Variants in MTUS2 observed in about 807,000 individuals in gnomAD.
MTUS2 encodes microtubule associated scaffold protein 2, also known as microtubule-associated tumor suppressor candidate 2.
MTUS2 carries 40 observed loss-of-function variants against 114.1 expected under a neutral mutation model. The observed-to-expected ratio is 0.35, with a 90% CI of 0.27 to 0.46. MTUS2 has a LOEUF of 0.46. MTUS2 is among the 20% of genes least tolerant of loss of function. MTUS2 has a pLI of 1.00. For missense variants in MTUS2, 1,679 were observed against 1,705.4 expected, an observed-to-expected ratio of 0.98 and a Z score of 0.27; for synonymous variants, 688 against 672.0, an observed-to-expected ratio of 1.02 and a Z score of -0.37.
intron 5 of MTUS2, among the ~76,000 whole-genome samples, chr13:29,218,932 G>A (rs1248880450): frequency 6.7e-6 from 1 of 149,140 alleles, no homozygotes; most frequent in Admixed American, 6.7e-5. Context: ...TTAACTTAAA[G>A]TTTCCAATTG....
In MTUS2 at chr13:28,834,951, T is replaced by A. The variant is rs540880421; in HGVS notation, c.-315-4827T>A. ...TGGAAAGGCAGTCTACATTAGTCAT[T>A]AGGGAAATGCAAATTAAAACCACAA... is the stretch of plus-strand genomic sequence containing the variant. On this transcript the variant is annotated intron_variant, in intron 1 of 15. Coordinates refer to ENST00000612955, the MANE Select transcript of MTUS2 (RefSeq NM_001033602.4). Among the ~76,000 whole-genome samples, 3 of 152,226 alleles carry A rather than the reference T, an allele frequency of 2.0e-5. No homozygotes were observed. In the South Asian group the frequency reaches 6.2e-4, roughly 32 times the overall value.
chr13:28,831,651 CAG>C (rs1874688798), intron 1 of MTUS2, among the ~76,000 whole-genome samples: 2 of 152,158 alleles, frequency 1.3e-5, no homozygotes, highest in African/African-American at 4.8e-5. Flanking sequence ...GAAGCAGAAA[CAG>C]AATTGAAAGA....
intron 4 of MTUS2, among the ~76,000 whole-genome samples, chr13:29,079,702 CA>C (rs1387626871): frequency 6.6e-6 from 1 of 152,070 alleles, no homozygotes; most frequent in East Asian, 1.9e-4. Flanking sequence ...TTTAGTTCAC[CA>C]CAAATATTGG....
intron 5 of MTUS2, among the ~76,000 whole-genome samples, chr13:29,241,771 A>G (rs1190339355): frequency 6.6e-6 from 1 of 152,206 alleles, no homozygotes. Context: ...AAGTGAATGA[A>G]AAACATTATG....
At position 29,025,465 on chromosome 13, in the gene MTUS2, C is replaced by T; in HGVS notation, c.767C>T (p.Pro256Leu). ...PSTSESKQST[P>L]SETQTVGAHV... ...ACCTCAGAAAGCAAGCAGAGCACTC[C>T]CTCAGAGACCCAAACAGTGGGGGCA... Residue 256 changes from proline (P) to leucine (L), a missense_variant, in exon 3 of 16, where the codon CCC becomes CTC. Physicochemically the swap from Pro to Leu is moderately conservative, Grantham distance 98. This residue lies in a region of MTUS2 where 843 missense variants were observed against 770.8 expected (regional missense o/e 1.09). Coordinates refer to ENST00000612955, the MANE Select transcript of MTUS2 (RefSeq NM_001033602.4). 2 of 1,613,300 alleles carry T rather than the reference C, an allele frequency of 1.2e-6. No individual in the cohort carries two copies. The highest frequency in any genetic ancestry group is 1.7e-6 in the Non-Finnish European group (2 of 1,179,610).
At chr13:29,222,577 G>C (rs34642107) in intron 5 of MTUS2, among the ~76,000 whole-genome samples, 22,108 of 152,268 alleles carry the variant, frequency 0.15, 1,831 homozygotes, top group East Asian at 0.31. Context: ...CATGATGCCA[G>C]CTGCAGTGGG....
chr13:28,948,813 A>G (rs570877557), intron 2 of MTUS2, among the ~76,000 whole-genome samples: 4 of 152,242 alleles, frequency 2.6e-5, no homozygotes, highest in African/African-American at 9.6e-5. Context: ...GGCTGTATAC[A>G]CTATAACAGG....
intron 11 of MTUS2, 74 bp downstream of exon 11, chr13:29,488,079 G>A (rs1881764870): frequency 7.9e-6 from 9 of 1,140,724 alleles, no homozygotes; most frequent in African/African-American, 1.5e-5. Context: ...CAGATGTGTG[G>A]AGCCCCCCTT....
chr13:28,859,978 G>A (rs1876869096), intron 2 of MTUS2, among the ~76,000 whole-genome samples: 1 of 152,142 alleles, frequency 6.6e-6, no homozygotes, highest in African/African-American at 2.4e-5. Context: ...TTGTGCTTGG[G>A]TTGAGGCAGT....
chr13:28,993,765 G>A (rs1404965017), intron 2 of MTUS2, among the ~76,000 whole-genome samples: 1 of 151,892 alleles, frequency 6.6e-6, no homozygotes, highest in East Asian at 1.9e-4. Flanking sequence ...ATTGGTTTGT[G>A]TGTCTATTTT....
At chr13:29,443,200 A>G (rs938613343) in intron 9 of MTUS2, among the ~76,000 whole-genome samples, 16 of 152,194 alleles carry the variant, frequency 1.1e-4, no homozygotes, top group African/African-American at 2.9e-4. Context: ...GGTGACTCTC[A>G]TAACTATCCG....
chr13:28,822,227 C>G (rs557695301), intron 1 of MTUS2, among the ~76,000 whole-genome samples: 1 of 152,212 alleles, frequency 6.6e-6, no homozygotes, highest in East Asian at 1.9e-4. Flanking sequence ...AGGAGCAGAT[C>G]TTATGGATGG....
chr13:29,247,234 T>C (rs1397252726), intron 5 of MTUS2, among the ~76,000 whole-genome samples: 3 of 152,162 alleles, frequency 2.0e-5, no homozygotes, highest in Non-Finnish European at 2.9e-5. Flanking sequence ...GAAACGGGAT[T>C]CTCATCTCTT....
At chr13:29,069,640 A>G (rs1485417694) in intron 4 of MTUS2, among the ~76,000 whole-genome samples, 2 of 152,186 alleles carry the variant, frequency 1.3e-5, no homozygotes, top group Non-Finnish European at 2.9e-5. Flanking sequence ...AGCCACATTC[A>G]CATAAGAATA....
At chr13:28,933,153 ACACACACACAGATT>A (rs138420776) in intron 2 of MTUS2, among the ~76,000 whole-genome samples, 1,656 of 151,070 alleles carry the variant, frequency 0.011, 24 homozygotes, top group African/African-American at 0.037. Context: ...ACACACACAC[ACACACACACAGATT>A]GATTGATCTG....
chr13:28,862,106 T>C (rs1877024547), intron 2 of MTUS2, among the ~76,000 whole-genome samples: 1 of 152,162 alleles, frequency 6.6e-6, no homozygotes, highest in South Asian at 2.1e-4. Context: ...CCCCTTGGCC[T>C]CACACATGAA....
intron 5 of MTUS2, among the ~76,000 whole-genome samples, chr13:29,102,981 G>A (rs892033792): frequency 3.9e-5 from 6 of 152,120 alleles, no homozygotes; most frequent in Non-Finnish European, 8.8e-5. Flanking sequence ...GAGATGGTGT[G>A]TGGAAAGCTT....
intron 5 of MTUS2, among the ~76,000 whole-genome samples, chr13:29,213,111 C>T (rs1336897666): frequency 1.3e-5 from 2 of 152,252 alleles, no homozygotes; most frequent in Admixed American, 6.5e-5. Flanking sequence ...ACAAAAGATT[C>T]TTCTAGCATC....
At chr13:28,827,070 A>G (rs1874318159) in intron 1 of MTUS2, among the ~76,000 whole-genome samples, 1 of 152,354 alleles carries the variant, frequency 6.6e-6, no homozygotes, top group South Asian at 2.1e-4. Context: ...AAATGTTGCC[A>G]CATATTAAGC....
Sources: gnomAD v4.1 joint callset for allele counts (sites outside exome capture counted in the v4.1 genomes callset) on GRCh38, gnomAD v4.1.1 for gene constraint, gnomAD v4.1.1 regional missense constraint, MANE v1.5 for transcripts, NCBI Gene and HGNC (gene_info 2026-07-23, HGNC 2026-07-21) for gene names.